BMAL2: variants seen among roughly 807,000 people sequenced by gnomAD.
BMAL2 encodes the protein basic helix-loop-helix ARNT-like protein 2.
At chr12:27,423,543 A>T in the BMAL2 span, 3 of 152,022 alleles carry the variant, frequency 2.0e-5, no homozygotes, top group East Asian at 1.9e-4. Flanking sequence ...GTTAGCCAGG[A>T]TGGTCTCGAT....
chr12:27,370,107 C>CAGAAT, the BMAL2 span: 3 of 1,587,614 alleles, frequency 1.9e-6, no homozygotes, highest in Admixed American at 5.0e-5. Flanking sequence ...TAGGGGGTGA[C>CAGAAT]CCAAGGCCTC....
chr12:27,379,481 G>GT, the BMAL2 span, among the ~76,000 whole-genome samples: 40 of 152,268 alleles, frequency 2.6e-4, no homozygotes, highest in Middle Eastern at 3.4e-3. Context: ...TAAGGATCAA[G>GT]TAAGAGCTGG....
the BMAL2 span, chr12:27,400,809 A>G: frequency 1.5e-5 from 23 of 1,534,298 alleles, no homozygotes; most frequent in Admixed American, 7.7e-5. Context: ...TTAGAATTCA[A>G]TGGGATATTT....
At chr12:27,406,560 C>T in the BMAL2 span, among the ~76,000 whole-genome samples, 1 of 152,134 alleles carries the variant, frequency 6.6e-6, no homozygotes, top group Non-Finnish European at 1.5e-5. Context: ...ATTTTGTCAC[C>T]ACCAGGACTG....
At chr12:27,399,647 T>A in the BMAL2 span, among the ~76,000 whole-genome samples, 1 of 152,244 alleles carries the variant, frequency 6.6e-6, no homozygotes, top group African/African-American at 2.4e-5. Context: ...TTTAAAGGAT[T>A]TATTGTAATG....
the BMAL2 span, among the ~76,000 whole-genome samples, chr12:27,395,724 A>G: frequency 6.6e-6 from 1 of 152,256 alleles, no homozygotes; most frequent in Non-Finnish European, 1.5e-5. Flanking sequence ...TTGGGAAAAT[A>G]TAGATATTTC....
the BMAL2 span, among the ~76,000 whole-genome samples, chr12:27,383,669 C>T: frequency 6.6e-6 from 1 of 152,206 alleles, no homozygotes; most frequent in Non-Finnish European, 1.5e-5. Flanking sequence ...TTATCTTGCT[C>T]AAAATCAGTT....
At chr12:27,384,045 C>A in the BMAL2 span, among the ~76,000 whole-genome samples, 2 of 152,184 alleles carry the variant, frequency 1.3e-5, no homozygotes, top group East Asian at 3.8e-4. Context: ...CCTGCAAAAG[C>A]AACTTCTCTT....
At chr12:27,376,458 C>T in the BMAL2 span, 1 of 1,373,024 alleles carries the variant, frequency 7.3e-7, no homozygotes, top group Non-Finnish European at 1.0e-6. Context: ...TAGCCTAAGG[C>T]AAAGGTGACA....
the BMAL2 span, among the ~76,000 whole-genome samples, chr12:27,409,671 G>T: frequency 1.3e-5 from 2 of 152,104 alleles, no homozygotes; most frequent in African/African-American, 2.4e-5. Flanking sequence ...TACCATTCAG[G>T]ACATAGGCAT....
At chr12:27,412,118 C>T in the BMAL2 span, among the ~76,000 whole-genome samples, 3 of 152,190 alleles carry the variant, frequency 2.0e-5, no homozygotes, top group African/African-American at 7.2e-5. Context: ...TCCTTTTCCC[C>T]ACTGAGTGTT....
the BMAL2 span, among the ~76,000 whole-genome samples, chr12:27,376,829 T>C: frequency 6.6e-6 from 1 of 151,566 alleles, no homozygotes; most frequent in South Asian, 2.1e-4. Flanking sequence ...TGAAACCCCG[T>C]CTCTACTAAA....
the BMAL2 span, among the ~76,000 whole-genome samples, chr12:27,397,327 C>A: frequency 2.0e-5 from 3 of 152,228 alleles, no homozygotes; most frequent in Admixed American, 6.5e-5. Context: ...ACCTTGGCCT[C>A]CCAAAGTGCT....
chr12:27,409,917 A>G, the BMAL2 span, among the ~76,000 whole-genome samples: 1 of 152,194 alleles, frequency 6.6e-6, no homozygotes, highest in African/African-American at 2.4e-5. Flanking sequence ...AAACAACCCC[A>G]TTAAAAAGTG....
chr12:27,389,659 G>A, the BMAL2 span: 1 of 188,252 alleles, frequency 5.3e-6, no homozygotes, highest in Non-Finnish European at 1.1e-5. Context: ...TTTTTTATAT[G>A]GATTAGGTCT....
chr12:27,353,342 A>G, the BMAL2 span, among the ~76,000 whole-genome samples: 2 of 152,246 alleles, frequency 1.3e-5, no homozygotes, highest in African/African-American at 4.8e-5. Context: ...GTCCATATTC[A>G]GTAAACTGTG....
chr12:27,370,228 C>T, the BMAL2 span: 2 of 1,610,290 alleles, frequency 1.2e-6, no homozygotes, highest in Non-Finnish European at 1.7e-6. Flanking sequence ...CCAGTGGCAG[C>T]AGGTAAGTCC....
chr12:27,422,792 C>A, the BMAL2 span: 1 of 152,244 alleles, frequency 6.6e-6, no homozygotes, highest in East Asian at 1.9e-4. Flanking sequence ...GACTTGGCTT[C>A]CAAAGAGTCT....
chr12:27,387,171 C>A, the BMAL2 span: 3 of 1,030,322 alleles, frequency 2.9e-6, no homozygotes, highest in Non-Finnish European at 3.0e-6. Flanking sequence ...TGTGTGTGTG[C>A]GTGTGTATAA....
Sources: gnomAD v4.1 joint callset for allele counts (sites outside exome capture counted in the v4.1 genomes callset) on GRCh38, gnomAD v4.1.1 for gene constraint, MANE v1.5 for transcripts, NCBI Gene and HGNC (gene_info 2026-07-23, HGNC 2026-07-21) for gene names.